The following TOGARAM1 variants were observed in gnomAD, a reference collection of about 807,000 sequenced individuals.
The protein encoded by TOGARAM1 is TOG array regulator of axonemal microtubules 1.
TOGARAM1 carries 100 observed loss-of-function variants against 166.6 expected under a neutral mutation model. The ratio of observed to expected loss-of-function variants is 0.60; its 90% CI spans 0.51 to 0.71. The LOEUF is 0.71. TOGARAM1 is among the 30% of genes least tolerant of loss of function. The pLI is 0.00. For missense variants in TOGARAM1, 2,029 were observed against 2,102.7 expected (o/e 0.96, Z 0.69); for synonymous variants, 758 against 763.8 (o/e 0.99, Z 0.13).
intron 1 of TOGARAM1, among the ~76,000 whole-genome samples, chr14:44,972,720 C>T (rs1885952113): frequency 6.6e-6 from 1 of 151,970 alleles, no homozygotes; most frequent in Admixed American, 6.6e-5. Context: ...GCATGGTGTA[C>T]CTTTCTCCAT....
intron 11 of TOGARAM1, among the ~76,000 whole-genome samples, chr14:45,033,138 A>C (rs1001951699): frequency 1.3e-5 from 2 of 151,952 alleles, no homozygotes; most frequent in Admixed American, 1.3e-4. Context: ...CTGCAGTCCC[A>C]GCTACTTGGG....
intron 16 of TOGARAM1, among the ~76,000 whole-genome samples, chr14:45,063,666 G>C (rs1477037626): frequency 1.3e-5 from 2 of 151,820 alleles, no homozygotes; most frequent in Non-Finnish European, 2.9e-5. Context: ...TTTTAGTAGA[G>C]ACAGGGTTTC....
intron 11 of TOGARAM1, among the ~76,000 whole-genome samples, chr14:45,040,207 T>TGAAAGCAAAAGCA: frequency 6.6e-6 from 1 of 152,340 alleles, no homozygotes; most frequent in African/African-American, 2.4e-5. Flanking sequence ...GTGTAACCTA[T>TGAAAGCAAAAGCA]GGATCTAAGA....
At chr14:45,071,864 A>G (rs1235816714) in intron 19 of TOGARAM1, 66 bp downstream of exon 19, 3 of 1,253,714 alleles carry the variant, frequency 2.4e-6, no homozygotes, top group African/African-American at 3.1e-5. Context: ...AACTGTTTCA[A>G]TTTAATTTTA....
intron 7 of TOGARAM1, among the ~76,000 whole-genome samples, chr14:45,012,894 T>A (rs1037779017): frequency 5.3e-5 from 8 of 152,204 alleles, no homozygotes; most frequent in Non-Finnish European, 1.2e-4. Flanking sequence ...TTCACACTTT[T>A]CCTCATTTAT....
At chr14:45,041,174 G>A (rs759715202) in intron 11 of TOGARAM1, among the ~76,000 whole-genome samples, 15 of 151,672 alleles carry the variant, frequency 9.9e-5, no homozygotes, top group South Asian at 4.2e-4. Flanking sequence ...AGGCCAAGGC[G>A]GGCAGATCAC....
chr14:44,969,150 C>CCTTTCTTTCT (rs1566595745), intron 1 of TOGARAM1, among the ~76,000 whole-genome samples: 4 of 130,072 alleles, frequency 3.1e-5, no homozygotes, highest in African/African-American at 1.3e-4. Flanking sequence ...TCCTTCCTTT[C>CCTTTCTTTCT]TTTCTTTCTT....
intron 1 of TOGARAM1, chr14:44,995,434 G>T (rs938737893): frequency 4.3e-6 from 2 of 463,108 alleles, no homozygotes; most frequent in South Asian, 1.5e-5. Context: ...GGGTTACGCT[G>T]CTCCGTCAGA....
intron 5 of TOGARAM1, 189 bp downstream of exon 5, chr14:45,006,456 A>C (rs1490581893): frequency 4.1e-6 from 2 of 484,440 alleles, no homozygotes; most frequent in Non-Finnish European, 7.3e-6. Context: ...TCCCACTACC[A>C]GAATAATTTA....
chr14:45,001,108 CA>C (rs1277146218), intron 3 of TOGARAM1, among the ~76,000 whole-genome samples: 2 of 152,292 alleles, frequency 1.3e-5, no homozygotes, highest in East Asian at 3.9e-4. Flanking sequence ...CAGCAGTGTA[CA>C]AGCATTCCTT....
Position 44,962,410 on chromosome 14 carries a change from T to G in TOGARAM1, c.-12T>G. On this transcript the variant is annotated 5_prime_UTR_variant, in exon 1 of 20. Transcript: ENST00000361462. ...ATGGTTTCTTCCAACCACCACCACC[T>G]GACAACCCTGCATGGCGGCTGCCCC... 1 of 1,537,128 alleles carries G rather than the reference T, an allele frequency of 6.5e-7. No individual in the cohort carries two copies. The highest frequency in any genetic ancestry group is 8.7e-7 in the Non-Finnish European group (1 of 1,146,064).
At chr14:45,041,400 C>T (rs1254585942) in intron 11 of TOGARAM1, among the ~76,000 whole-genome samples, 1 of 152,124 alleles carries the variant, frequency 6.6e-6, no homozygotes, top group Admixed American at 6.6e-5. Context: ...GACTCCCTCT[C>T]AAAACAAAAC....
At chr14:45,046,994 G>T (rs1476335726) in intron 14 of TOGARAM1, among the ~76,000 whole-genome samples, 6 of 152,144 alleles carry the variant, frequency 3.9e-5, no homozygotes, top group Non-Finnish European at 8.8e-5. Flanking sequence ...CAGAAAAGTG[G>T]CAGAAGAACT....
At chr14:45,020,492 C>CCAGTACCTA (rs560250060) in intron 7 of TOGARAM1, among the ~76,000 whole-genome samples, 35 of 152,290 alleles carry the variant, frequency 2.3e-4, no homozygotes, top group African/African-American at 8.2e-4. Flanking sequence ...ACTGCCCATG[C>CCAGTACCTA]CAGTACCTAA....
intron 11 of TOGARAM1, among the ~76,000 whole-genome samples, chr14:45,039,494 G>A (rs1881613286): frequency 6.6e-6 from 1 of 152,064 alleles, no homozygotes; most frequent in Admixed American, 6.6e-5. Context: ...TTGTGCTGAG[G>A]GGTGCCTGCA....
chr14:45,038,054 A>G (rs1217744174), intron 11 of TOGARAM1, among the ~76,000 whole-genome samples: 1 of 152,074 alleles, frequency 6.6e-6, no homozygotes, highest in Non-Finnish European at 1.5e-5. Context: ...AAGATGTAGA[A>G]GACTTGGACA....
intron 1 of TOGARAM1, among the ~76,000 whole-genome samples, chr14:44,977,267 C>T (rs966272140): frequency 2.3e-5 from 3 of 129,724 alleles, no homozygotes; most frequent in African/African-American, 9.2e-5. Context: ...TGGAGTCTTG[C>T]TCTGTTGCCC....
intron 7 of TOGARAM1, among the ~76,000 whole-genome samples, chr14:45,021,651 C>G (rs1490038228): frequency 3.3e-5 from 5 of 152,078 alleles, no homozygotes; most frequent in African/African-American, 1.2e-4. Context: ...GTGATGTATC[C>G]TAGACTCCAC....
chr14:45,053,277 G>A (rs1882470512), intron 15 of TOGARAM1, among the ~76,000 whole-genome samples: 1 of 152,038 alleles, frequency 6.6e-6, no homozygotes, highest in South Asian at 2.1e-4. Context: ...CTGACCTCAG[G>A]TGATCCGCCT....
Sources: gnomAD v4.1 joint callset for allele counts (sites outside exome capture counted in the v4.1 genomes callset) on GRCh38, gnomAD v4.1.1 for gene constraint, MANE v1.5 for transcripts, NCBI Gene and HGNC (gene_info 2026-07-23, HGNC 2026-07-21) for gene names.